TEAD3: variants seen among roughly 807,000 people sequenced by gnomAD.
TEAD3 encodes transcriptional enhancer factor TEF-5.
In TEAD3, 15 loss-of-function variants were observed where a neutral mutation model predicts 55.6. The observed-to-expected ratio is 0.27, with a 90% CI of 0.18 to 0.42. The LOEUF (loss-of-function observed/expected upper bound fraction) is 0.42. Ranked by LOEUF, TEAD3 falls within the 10% of genes least tolerant of loss-of-function variation. The pLI, the probability that TEAD3 is intolerant of heterozygous loss-of-function variation, is 1.00. For synonymous variants in TEAD3, 210 were observed against 232.2 expected (o/e 0.90, Z 0.87); for missense variants, 407 against 576.8 (o/e 0.71, Z 3.01).
rs1768675405 is a variant in TEAD3, at chr6:35,496,795, G to C, written c.-50+103C>G. On this transcript the variant is annotated intron_variant, in intron 1 of 12. Transcript: ENST00000639578. The surrounding 1 kb of genome is among the most constrained non-coding windows in gnomAD (Gnocchi z 4.8). Reference sequence around the variant, plus strand: ...TCCAGCTCCGGCTGGACAATAGCTCGGGGACCCAGTCCCCCTCGAGTGTCG... The same window carrying C: ...TCCAGCTCCGGCTGGACAATAGCTCCGGGACCCAGTCCCCCTCGAGTGTCG... 6.7e-6 allele frequency: 1 copy of C among 150,136 alleles called. No homozygotes were observed. The highest frequency in any genetic ancestry group is 2.0e-4 in the East Asian group (1 of 5,016). 9.3% of individuals were successfully genotyped at this position (150,136 alleles called of 1,614,324 possible). A position where few individuals can be genotyped will look rare whatever the true frequency, so the allele number is the denominator to read the frequency against.
chr6:35,483,701 G>A lies in TEAD3; in HGVS notation c.267+859C>T, dbSNP rs561437691. Among the ~76,000 whole-genome samples the A allele has an allele frequency of 1.3e-5, 2 of 152,116 alleles. No individual in the cohort carries two copies. Among genetic ancestry groups the A allele is most frequent in the South Asian group, 4.1e-4 (2 of 4,820 alleles). On this transcript the variant is annotated intron_variant, in intron 3 of 12. Coordinates refer to ENST00000639578, the Ensembl canonical transcript of TEAD3. This position sits in a 1 kb window ranked among gnomAD's most constrained non-coding sequence, Gnocchi z 4.5. ...GTCACTCCCTGCTCCATACCCTCCTGTAGCCCACCGCTGCCCCTTGGGGAA... is the reference window on the plus strand; with the variant it reads ...GTCACTCCCTGCTCCATACCCTCCTATAGCCCACCGCTGCCCCTTGGGGAA...
Position 35,486,402 on chromosome 6 carries a change from TGA to T in TEAD3, c.202+57_202+58del. ...CTCCGACGTCACCAAACCGGTTGGGTGAGAGGGCAGAGAGCAGGGGGAAGGGC... is the reference window on the plus strand; with the variant it reads ...CTCCGACGTCACCAAACCGGTTGGGTGAGGGCAGAGAGCAGGGGGAAGGGC... On this transcript the variant is annotated intron_variant, in intron 2 of 12. Transcript: ENST00000639578. This position sits in a 1 kb window ranked among gnomAD's most constrained non-coding sequence, Gnocchi z 7.3. 1 of 1,551,188 alleles carries T rather than the reference TGA, an allele frequency of 6.4e-7. No individual in the cohort carries two copies. The highest frequency in any genetic ancestry group is 8.7e-7 in the Non-Finnish European group (1 of 1,144,886).
At chr6:35,479,179 T>G in intron 5 of TEAD3, 126 bp downstream of exon 5, 46 of 1,232,486 alleles carry the variant, frequency 3.7e-5, no homozygotes, top group Middle Eastern at 1.9e-4. Flanking sequence ...CGCCCAGCCA[T>G]TTCGTTTTTT....
chr6:35,476,234 GC>G, intron 9 of TEAD3, 67 bp downstream of exon 9: 1 of 1,569,430 alleles, frequency 6.4e-7, no homozygotes, highest in Non-Finnish European at 8.6e-7. Context: ...CTGAGTTGCA[GC>G]CCTGGATCAC....
rs1455501476 is a variant in TEAD3 at position 35,479,932 on chromosome 6, G to C, written c.330+128C>G. 6.4e-6 allele frequency: 5 copies of C among 782,154 alleles called. No homozygotes were observed. The South Asian group carries it at 8.0e-5, about 12-fold the overall frequency. The allele number at this position is 782,154 out of a possible 1,614,324, so 48.5% of individuals were successfully genotyped here. A position where few individuals can be genotyped will look rare whatever the true frequency, so the allele number is the denominator to read the frequency against. On this transcript the variant is annotated intron_variant, in intron 4 of 12. Coordinates refer to ENST00000639578, the Ensembl canonical transcript of TEAD3. The stretch of plus-strand genomic sequence containing the variant: ...CCTTGGGCTTCCTGCTGCCACTTGT[G>C]TTTCTTTCTGGACCCCCTCACAGCT...
In TEAD3 at chr6:35,486,624, C is replaced by T. The variant is rs770337745; in HGVS notation, c.39G>A (p.Gly13=). The T allele has an allele frequency of 5.6e-6, 9 of 1,613,026 alleles. No homozygotes were observed. The Admixed American group carries it at 6.7e-5, about 12-fold the overall frequency. ...CCTCGGGCCCATCCTCCCGGGCCTCCCCGGGGCTGCTGCTGGCGTTCCAGC... is the reference window on the plus strand; with the variant it reads ...CCTCGGGCCCATCCTCCCGGGCCTCTCCGGGGCTGCTGCTGGCGTTCCAGC... Residue 13 remains glycine (G), a synonymous_variant, in exon 2 of 13, where the codon GGG becomes GGA. Transcript: ENST00000639578. The surrounding 1 kb of genome is among the most constrained non-coding windows in gnomAD (Gnocchi z 7.3).
intron 4 of TEAD3, among the ~76,000 whole-genome samples, 199 bp from the exon 5 acceptor site, chr6:35,479,515 G>A (rs1232642167): frequency 6.6e-6 from 1 of 152,248 alleles, no homozygotes; most frequent in East Asian, 1.9e-4. Context: ...AGGGCAGAGT[G>A]AGGGAAAACA....
intron 3 of TEAD3, among the ~76,000 whole-genome samples, chr6:35,482,736 A>G (rs957561826): frequency 2.0e-5 from 3 of 151,882 alleles, no homozygotes; most frequent in Admixed American, 1.3e-4. Context: ...ACATCGCGAG[A>G]CCCCATTTTT....
intron 1 of TEAD3, among the ~76,000 whole-genome samples, chr6:35,490,448 C>T (rs77374358): frequency 0.013 from 2,039 of 152,314 alleles, 48 homozygotes; most frequent in African/African-American, 0.046. Flanking sequence ...TTTCTAGGAA[C>T]GCTCCTGGGG....
At chr6:35,477,198 C>G (rs1768165949) in intron 8 of TEAD3, 113 bp downstream of exon 8, 1 of 1,098,888 alleles carries the variant, frequency 9.1e-7, no homozygotes, top group Admixed American at 2.0e-5. Context: ...GTCCCAATCT[C>G]CTGTAGATGT....
chr6:35,475,064 A>G lies in TEAD3; in HGVS notation c.1288T>C (p.Tyr430His). Reference sequence around the variant, plus strand: ...GCACCCTAGTCTTTGACGAGCTTGTAGACATGGTGCTGGGCCCCGTGCTCA... The same window carrying G: ...GCACCCTAGTCTTTGACGAGCTTGTGGACATGGTGCTGGGCCCCGTGCTCA... Residue 430 changes from tyrosine to histidine, a missense_variant, in exon 13 of 13, where the codon TAC becomes CAC. Coordinates refer to ENST00000639578, the Ensembl canonical transcript of TEAD3. The surrounding 1 kb of genome is among the most constrained non-coding windows in gnomAD (Gnocchi z 5.4). The G allele has an allele frequency of 6.3e-7, 1 of 1,591,438 alleles. No homozygotes were observed. The highest frequency in any genetic ancestry group is 1.8e-5 in the Admixed American group (1 of 56,526).
At chr6:35,482,087 C>T (rs1194255730) in intron 3 of TEAD3, among the ~76,000 whole-genome samples, 4 of 152,118 alleles carry the variant, frequency 2.6e-5, no homozygotes, top group Admixed American at 6.6e-5. Flanking sequence ...TGGGTTCAAG[C>T]GATTCTCCTG....
chr6:35,480,318 G>A, intron 3 of TEAD3: 1 of 1,613,812 alleles, frequency 6.2e-7, no homozygotes. Flanking sequence ...ATACCTTGAT[G>A]CCAACCTGGT....
chr6:35,492,954 G>A (rs950273939), intron 1 of TEAD3, among the ~76,000 whole-genome samples: 3 of 152,022 alleles, frequency 2.0e-5, no homozygotes, highest in Admixed American at 6.6e-5. Flanking sequence ...GACTATAGGG[G>A]GTCACTGGGT....
rs1419807694 is a variant in TEAD3 at position 35,496,138 on chromosome 6, G to C, written c.-50+760C>G. Among the ~76,000 whole-genome samples the C allele has an allele frequency of 2.6e-5, 4 of 152,162 alleles. No individual in the cohort carries two copies. Among genetic ancestry groups the C allele is most frequent in the Non-Finnish European group, 5.9e-5 (4 of 68,018 alleles). On this transcript the variant is annotated intron_variant, in intron 1 of 12. Coordinates refer to ENST00000639578, the Ensembl canonical transcript of TEAD3. The surrounding 1 kb of genome is among the most constrained non-coding windows in gnomAD (Gnocchi z 4.8). ...ACAGACAATGGTGGGGACCGGGGTA[G>C]GAAGCGGGAGACCAGCCACCCTCAA...
In TEAD3 at chr6:35,488,514, G is replaced by A. The variant is rs965996381; in HGVS notation, c.-49-1803C>T. Among the ~76,000 whole-genome samples the A allele has an allele frequency of 7.2e-5, 11 of 152,046 alleles. No individual in the cohort carries two copies. Among genetic ancestry groups the A allele is most frequent in the Non-Finnish European group, 1.5e-4 (10 of 68,020 alleles). ...GCTCTGGGCAGCAGGGAAAGGGGAG[G>A]GGTGGAGATGTAGGGGACACCGTCA... is the stretch of plus-strand genomic sequence containing the variant. On this transcript the variant is annotated intron_variant, in intron 1 of 12. Transcript: ENST00000639578. This position sits in a 1 kb window ranked among gnomAD's most constrained non-coding sequence, Gnocchi z 4.2.
chr6:35,494,674 G>A (rs560545270), intron 1 of TEAD3, among the ~76,000 whole-genome samples: 3 of 152,272 alleles, frequency 2.0e-5, no homozygotes, highest in Admixed American at 1.3e-4. Context: ...TCCTGGGCGG[G>A]GAGGAGGAGG....
At chr6:35,474,930 G>A in exon 13 of TEAD3, 1 of 867,938 alleles carries the variant, frequency 1.2e-6, no homozygotes, top group Non-Finnish European at 1.8e-6. Flanking sequence ...CTGGGTCCTG[G>A]GCCTGAGGCC....
Position 35,486,374 on chromosome 6 carries a change from G to T in TEAD3, c.202+87C>A. 1.4e-6 allele frequency: 2 copies of T among 1,453,030 alleles called. No individual in the cohort carries two copies. The highest frequency in any genetic ancestry group is 1.8e-6 in the Non-Finnish European group (2 of 1,084,808). 90.0% of individuals were successfully genotyped at this position (1,453,030 alleles called of 1,614,324 possible). On this transcript the variant is annotated intron_variant, in intron 2 of 12. Coordinates refer to ENST00000639578, the Ensembl canonical transcript of TEAD3. The surrounding 1 kb of genome is among the most constrained non-coding windows in gnomAD (Gnocchi z 7.3). ...CAGACTCGCCCGGCCAGCGGCTGGC[G>T]GCCTCCGACGTCACCAAACCGGTTG...
Sources: allele counts gnomAD v4.1 joint callset (sites outside exome capture counted in the v4.1 genomes callset), GRCh38; gene constraint gnomAD v4.1.1; non-coding constraint Gnocchi (gnomAD v3.1); transcripts MANE v1.5; gene names NCBI Gene and HGNC (gene_info 2026-07-23, HGNC 2026-07-21).